Variants in CD200R1L observed in about 807,000 individuals in gnomAD.
The protein encoded by CD200R1L is cell surface glycoprotein CD200 receptor 2.
In CD200R1L, 14 loss-of-function variants were observed where a neutral mutation model predicts 24.8. That is an observed-to-expected ratio of 0.56 (90% CI 0.37 to 0.88). The LOEUF (loss-of-function observed/expected upper bound fraction) is 0.88, where lower values mean the gene tolerates loss of function less well. Ranked by LOEUF, CD200R1L falls within the 40% of genes least tolerant of loss-of-function variation. CD200R1L has a pLI of 0.00. For missense variants in CD200R1L, 299 were observed against 297.8 expected (o/e 1.00, Z -0.03); for synonymous variants, 111 against 109.2 (o/e 1.02, Z -0.11).
intron 7 of CD200R1L, among the ~76,000 whole-genome samples, chr3:112,817,443 G>A (rs960630140): frequency 6.6e-6 from 1 of 152,126 alleles, no homozygotes; most frequent in African/African-American, 2.4e-5. Flanking sequence ...AATGGAATGT[G>A]AGCAGAAGTG....
At chr3:112,841,169 G>A in intron 2 of CD200R1L, 2 of 320,572 alleles carry the variant, frequency 6.2e-6, no homozygotes, top group Admixed American at 6.3e-5. Flanking sequence ...TAATGGTTTA[G>A]CACCCTCCCC....
intron 6 of CD200R1L, among the ~76,000 whole-genome samples, chr3:112,824,640 A>G (rs922729442): frequency 1.3e-5 from 2 of 152,356 alleles, no homozygotes; most frequent in African/African-American, 4.8e-5. Context: ...AAGTTGACTG[A>G]AAGTTAAGAA....
chr3:112,819,911 G>A lies in CD200R1L; in HGVS notation c.617-16C>T. The A allele has an allele frequency of 6.4e-7, 1 of 1,555,328 alleles. No individual in the cohort carries two copies. Among genetic ancestry groups the A allele is most frequent in the Non-Finnish European group, 8.6e-7 (1 of 1,158,088 alleles). On this transcript the variant is annotated splice_polypyrimidine_tract_variant and intron_variant, in intron 6 of 7. Transcript: ENST00000488794. Reference sequence around the variant, plus strand: ...GTTCTGAGACCTTTAAATACAGACAGGGGTGAAAAATCATTTCAAGCATTC... The same window carrying A: ...GTTCTGAGACCTTTAAATACAGACAAGGGTGAAAAATCATTTCAAGCATTC...
At chr3:112,844,664 C>T (rs931582141) in intron 2 of CD200R1L, among the ~76,000 whole-genome samples, 8 of 152,134 alleles carry the variant, frequency 5.3e-5, no homozygotes, top group South Asian at 4.1e-4. Context: ...TGGTGGCTCA[C>T]GCCTGTAATC....
At chr3:112,831,296 T>C (rs567862268) in intron 3 of CD200R1L, among the ~76,000 whole-genome samples, 1 of 152,304 alleles carries the variant, frequency 6.6e-6, no homozygotes, top group South Asian at 2.1e-4. Context: ...TAAATGTATT[T>C]CCAATTCCAT....
chr3:112,826,201 G>A lies in CD200R1L; in HGVS notation c.616+792C>T, dbSNP rs137941347. Among the ~76,000 whole-genome samples, 513 of 151,880 alleles carry A rather than the reference G, an allele frequency of 3.4e-3. 3 individuals are homozygous for A. The highest frequency in any genetic ancestry group is 0.012 in the African/African-American group (493 of 41,412). ...CACAATAGCTAATTTTTATTAATACGATATATATAATAACCAACATTTATT... is the reference window on the plus strand; with the variant it reads ...CACAATAGCTAATTTTTATTAATACAATATATATAATAACCAACATTTATT... On this transcript the variant is annotated intron_variant, in intron 6 of 7. Transcript: ENST00000488794.
chr3:112,839,863 T>C (rs1260726598), intron 2 of CD200R1L, among the ~76,000 whole-genome samples: 2 of 152,192 alleles, frequency 1.3e-5, no homozygotes, highest in Non-Finnish European at 2.9e-5. Flanking sequence ...TTCAACTAGT[T>C]GCCTTAAAAG....
chr3:112,843,174 A>G (rs1445053043), intron 2 of CD200R1L, among the ~76,000 whole-genome samples: 1 of 152,192 alleles, frequency 6.6e-6, no homozygotes, highest in Non-Finnish European at 1.5e-5. Context: ...AATTTACCCA[A>G]TCTCACTAAA....
chr3:112,830,603 C>T (rs1173717468), intron 3 of CD200R1L, among the ~76,000 whole-genome samples: 3 of 147,710 alleles, frequency 2.0e-5, no homozygotes, highest in African/African-American at 7.5e-5. Flanking sequence ...GTTACCATCA[C>T]ACTTGTCAAT....
chr3:112,816,968 C>A (rs1283202313), intron 7 of CD200R1L, among the ~76,000 whole-genome samples: 2 of 152,170 alleles, frequency 1.3e-5, no homozygotes, highest in Non-Finnish European at 2.9e-5. Context: ...GAGGCCTCCC[C>A]AGCCATGTGG....
At chr3:112,816,033 G>A (rs1464416348) in intron 7 of CD200R1L, 58 bp from the exon 8 acceptor site, 2 of 769,064 alleles carry the variant, frequency 2.6e-6, no homozygotes, top group East Asian at 4.9e-5. Context: ...TTATGCAAGT[G>A]GGCATACTCA....
chr3:112,819,967 A>G (rs1333520374), intron 6 of CD200R1L, 72 bp from the exon 7 acceptor site: 1 of 1,387,248 alleles, frequency 7.2e-7, no homozygotes, highest in East Asian at 2.5e-5. Flanking sequence ...CAATCATTTT[A>G]AAGAACATTT....
chr3:112,836,537 G>A (rs2107348583), intron 3 of CD200R1L, among the ~76,000 whole-genome samples: 1 of 152,292 alleles, frequency 6.6e-6, no homozygotes, highest in African/African-American at 2.4e-5. Flanking sequence ...GACCACTCAG[G>A]GGTCTATGCT....
intron 2 of CD200R1L, among the ~76,000 whole-genome samples, chr3:112,839,415 T>C (rs980563787): frequency 6.6e-6 from 1 of 152,164 alleles, no homozygotes; most frequent in African/African-American, 2.4e-5. Flanking sequence ...CTTTAGAACA[T>C]TTACATATAA....
At chr3:112,823,530 G>T (rs1938590683) in intron 6 of CD200R1L, among the ~76,000 whole-genome samples, 2 of 152,184 alleles carry the variant, frequency 1.3e-5, no homozygotes, top group Admixed American at 1.3e-4. Flanking sequence ...GAGAGTTGGA[G>T]AATTAGTTGG....
At chr3:112,822,246 C>G (rs565939466) in intron 6 of CD200R1L, among the ~76,000 whole-genome samples, 2 of 152,282 alleles carry the variant, frequency 1.3e-5, no homozygotes, top group South Asian at 4.1e-4. Context: ...CTTGGAAGTT[C>G]CACAGTGATC....
At chr3:112,829,631 G>A (rs766530766) in intron 3 of CD200R1L, 1 of 814,276 alleles carries the variant, frequency 1.2e-6, no homozygotes, top group Non-Finnish European at 1.5e-6. Context: ...GCTTTGTTTA[G>A]TCAACTAGTT....
intron 6 of CD200R1L, among the ~76,000 whole-genome samples, chr3:112,824,075 T>G (rs1441289494): frequency 6.6e-6 from 1 of 152,066 alleles, no homozygotes; most frequent in Non-Finnish European, 1.5e-5. Flanking sequence ...CAGGAAGAGT[T>G]GTTACAAGGA....
At position 112,845,838 on chromosome 3, in the gene CD200R1L, T is replaced by C; in HGVS notation, c.-246A>G. 1.3e-6 allele frequency: 1 copy of C among 772,042 alleles called. No homozygotes were observed. The highest frequency in any genetic ancestry group is 1.7e-5 in the South Asian group (1 of 60,540). 47.8% of individuals were successfully genotyped at this position (772,042 alleles called of 1,614,324 possible). On this transcript the variant is annotated 5_prime_UTR_variant, in exon 2 of 8. An upstream open reading frame in the 5' UTR loses its in-frame stop. Transcript: ENST00000488794. ...TTGGTCACTTTTGCTTATTCTGTCT[T>C]CAACAGGATTGCAAAACATATTTCT...
Sources: gnomAD v4.1 joint callset for allele counts (sites outside exome capture counted in the v4.1 genomes callset) on GRCh38, gnomAD v4.1.1 for gene constraint, MANE v1.5 for transcripts, NCBI Gene and HGNC (gene_info 2026-07-23, HGNC 2026-07-21) for gene names.